Variants in CSMD1 observed in about 807,000 individuals in gnomAD.
The protein encoded by CSMD1 is CUB and sushi domain-containing protein 1.
CSMD1 carries 213 observed loss-of-function variants against 417.5 expected under a neutral mutation model. The observed-to-expected ratio is 0.51, with a 90% confidence interval of 0.46 to 0.57. The LOEUF (loss-of-function observed/expected upper bound fraction) is 0.57, where lower values mean the gene tolerates loss of function less well. Ranked by LOEUF, CSMD1 falls within the 20% of genes least tolerant of loss-of-function variation. CSMD1 has a pLI of 0.00. For synonymous variants in CSMD1, 2,862 were observed against 1,736.8 expected (o/e 1.65, Z -16.11); for missense variants, 6,923 against 4,529.7 (o/e 1.53, Z -15.17).
chr8:4,441,928 C>A (rs1324672864), intron 2 of CSMD1, among the ~76,000 whole-genome samples: 1 of 152,170 alleles, frequency 6.6e-6, no homozygotes, highest in Non-Finnish European at 1.5e-5. Flanking sequence ...TTATCAGCTT[C>A]TTACATAACC....
chr8:4,724,848 A>T (rs1809319374), intron 1 of CSMD1, among the ~76,000 whole-genome samples: 2 of 152,058 alleles, frequency 1.3e-5, no homozygotes, highest in African/African-American at 4.8e-5. Context: ...TTAAATTTGA[A>T]ATCTGACGGA....
chr8:3,715,592 G>C (rs941547511), intron 6 of CSMD1, among the ~76,000 whole-genome samples: 4 of 152,148 alleles, frequency 2.6e-5, no homozygotes, highest in African/African-American at 7.2e-5. Flanking sequence ...ATCCACGCTG[G>C]AGTGCAGTGA....
chr8:4,444,232 C>T (rs1351914867), intron 2 of CSMD1, among the ~76,000 whole-genome samples: 3 of 150,702 alleles, frequency 2.0e-5, no homozygotes, highest in African/African-American at 7.3e-5. Context: ...ATCCCAACTA[C>T]TCGGGAGGCT....
At chr8:3,830,763 C>A (rs534909566) in intron 5 of CSMD1, among the ~76,000 whole-genome samples, 1 of 152,118 alleles carries the variant, frequency 6.6e-6, no homozygotes, top group Non-Finnish European at 1.5e-5. Flanking sequence ...AGAACTTAAT[C>A]TCAAGATGAA....
chr8:4,705,491 T>C (rs1032725733), intron 1 of CSMD1, among the ~76,000 whole-genome samples: 1 of 152,134 alleles, frequency 6.6e-6, no homozygotes, highest in African/African-American at 2.4e-5. Context: ...ATTGCAATTA[T>C]CCTCTCCAAG....
At position 3,216,822 on chromosome 8, in the gene CSMD1, C is replaced by T. The variant is rs369283815; in HGVS notation, c.4673-2131G>A. On this transcript the variant is annotated intron_variant, in intron 29 of 69. Transcript: ENST00000635120. Reference sequence around the variant, plus strand: ...AGGATTTGTGAATTGTTGCACAGCACGACTGCCTGGTGTTCCTTCTATTTC... The same window carrying T: ...AGGATTTGTGAATTGTTGCACAGCATGACTGCCTGGTGTTCCTTCTATTTC... Among the ~76,000 whole-genome samples the T allele has an allele frequency of 7.9e-5, 12 of 152,358 alleles. No homozygotes were observed. In the South Asian group the frequency reaches 1.0e-3, roughly 13 times the overall value.
At chr8:3,871,374 G>C (rs1344680518) in intron 5 of CSMD1, among the ~76,000 whole-genome samples, 1 of 151,638 alleles carries the variant, frequency 6.6e-6, no homozygotes. Flanking sequence ...TAAAATAATG[G>C]ATTAAAAAAA....
At chr8:4,508,809 C>T (rs910397758) in intron 2 of CSMD1, among the ~76,000 whole-genome samples, 1 of 152,090 alleles carries the variant, frequency 6.6e-6, no homozygotes, top group Admixed American at 6.5e-5. Flanking sequence ...AATATGTCTA[C>T]TATTTAAAAA....
At chr8:4,883,118 G>A (rs1270284698) in intron 1 of CSMD1, among the ~76,000 whole-genome samples, 2 of 152,068 alleles carry the variant, frequency 1.3e-5, no homozygotes, top group Non-Finnish European at 2.9e-5. Flanking sequence ...TAGTAAGGTG[G>A]AAAGGAAATT....
At chr8:3,124,445 G>A (rs1010475636) in intron 41 of CSMD1, among the ~76,000 whole-genome samples, 22 of 152,322 alleles carry the variant, frequency 1.4e-4, no homozygotes, top group South Asian at 4.1e-4. Flanking sequence ...AAGAAATGAC[G>A]TTTAAATTAA....
chr8:3,479,531 C>A (rs1461344023), intron 11 of CSMD1, among the ~76,000 whole-genome samples: 1 of 152,190 alleles, frequency 6.6e-6, no homozygotes, highest in Non-Finnish European at 1.5e-5. Flanking sequence ...CTGCCCACCT[C>A]GGCCCCCCAA....
intron 3 of CSMD1, among the ~76,000 whole-genome samples, chr8:4,337,343 C>G (rs985258037): frequency 6.6e-6 from 1 of 152,058 alleles, no homozygotes; most frequent in East Asian, 1.9e-4. Context: ...CAGCAACCGA[C>G]ATTGTTGCAA....
intron 3 of CSMD1, among the ~76,000 whole-genome samples, chr8:4,254,545 C>A (rs1332941111): frequency 6.6e-6 from 1 of 152,152 alleles, no homozygotes; most frequent in African/African-American, 2.4e-5. Context: ...TTTATGAAGA[C>A]TACAGTAGTG....
At chr8:4,497,056 T>G (rs1466716688) in intron 2 of CSMD1, among the ~76,000 whole-genome samples, 1 of 152,208 alleles carries the variant, frequency 6.6e-6, no homozygotes, top group Non-Finnish European at 1.5e-5. Flanking sequence ...CTCTTTCTCC[T>G]GCTTCTGTGA....
intron 3 of CSMD1, among the ~76,000 whole-genome samples, chr8:4,270,075 G>A (rs549299231): frequency 6.6e-6 from 1 of 152,132 alleles, no homozygotes; most frequent in East Asian, 1.9e-4. Flanking sequence ...CTTCTGAGGA[G>A]AGAAACATGA....
At chr8:4,601,575 C>T (rs1284750472) in intron 2 of CSMD1, among the ~76,000 whole-genome samples, 1 of 152,066 alleles carries the variant, frequency 6.6e-6, no homozygotes, top group Non-Finnish European at 1.5e-5. Context: ...GAATTGAATA[C>T]TTTAGTAGTA....
At chr8:4,904,951 G>C (rs1182493482) in intron 1 of CSMD1, among the ~76,000 whole-genome samples, 1 of 152,124 alleles carries the variant, frequency 6.6e-6, no homozygotes, top group Non-Finnish European at 1.5e-5. Context: ...TGGGACAAGG[G>C]ACCATGCCGC....
chr8:3,749,536 G>A, intron 6 of CSMD1, among the ~76,000 whole-genome samples: 1 of 152,166 alleles, frequency 6.6e-6, no homozygotes, highest in East Asian at 1.9e-4. Context: ...TGTAAGGGAA[G>A]AGTAGAAAGA....
At chr8:4,025,515 A>C (rs576828593) in intron 4 of CSMD1, among the ~76,000 whole-genome samples, 2 of 152,234 alleles carry the variant, frequency 1.3e-5, no homozygotes, top group Admixed American at 6.5e-5. Context: ...TTTTTCATTG[A>C]AACTATCTAG....
Sources: gnomAD v4.1 joint callset for allele counts (sites outside exome capture counted in the v4.1 genomes callset) on GRCh38, gnomAD v4.1.1 for gene constraint, MANE v1.5 for transcripts, NCBI Gene and HGNC (gene_info 2026-07-23, HGNC 2026-07-21) for gene names.